The following PPP3CC variants were observed in gnomAD, a reference collection of about 807,000 sequenced individuals.
PPP3CC encodes the protein serine/threonine-protein phosphatase 2B catalytic subunit gamma isoform.
Under a neutral mutation model 60.3 loss-of-function variants are expected in PPP3CC, and 35 were observed. That is an observed-to-expected ratio of 0.58 (90% confidence interval 0.44 to 0.77). The LOEUF is 0.77. Ranked by LOEUF, PPP3CC falls within the 30% of genes least tolerant of loss-of-function variation. PPP3CC has a pLI of 0.00. For missense variants in PPP3CC, 570 were observed against 628.9 expected (o/e 0.91, Z 1.00); for synonymous variants, 206 against 224.3 (o/e 0.92, Z 0.73).
intron 1 of PPP3CC, among the ~76,000 whole-genome samples, chr8:22,459,055 A>G (rs1837288637): frequency 6.6e-6 from 1 of 152,144 alleles, no homozygotes; most frequent in African/African-American, 2.4e-5. Context: ...GACACCAGAA[A>G]TATACATTTG....
chr8:22,506,699 T>C (rs1838930848), intron 4 of PPP3CC, among the ~76,000 whole-genome samples: 1 of 152,002 alleles, frequency 6.6e-6, no homozygotes, highest in Non-Finnish European at 1.5e-5. Flanking sequence ...CCCAGCACTT[T>C]GGGAGGCCGA....
intron 1 of PPP3CC, among the ~76,000 whole-genome samples, chr8:22,470,085 C>T (rs569730138): frequency 6.7e-6 from 1 of 149,674 alleles, no homozygotes; most frequent in African/African-American, 2.5e-5. Context: ...CACACACACA[C>T]ATACATATAT....
rs751177499 is a variant in PPP3CC at position 22,522,768 on chromosome 8, A to G, written c.943+19A>G. The G allele has an allele frequency of 2.0e-6, 3 of 1,516,910 alleles. No homozygotes were observed. Among genetic ancestry groups the G allele is most frequent in the African/African-American group, 2.8e-5 (2 of 72,588 alleles). The allele number at this position is 1,516,910 out of a possible 1,614,324, so 94.0% of individuals were successfully genotyped here. On this transcript the variant is annotated intron_variant, in intron 8 of 13. Coordinates refer to ENST00000240139, the MANE Select transcript of PPP3CC (RefSeq NM_005605.5). ...AATAAAGGTAAAGGAATCCAGCAAT[A>G]TTTGAGTTTGAATTTATGAGTAAAC...
At position 22,522,536 on chromosome 8, in the gene PPP3CC, A is replaced by T. The variant is rs1394536196; in HGVS notation, c.816A>T (p.Ser272=). ...CEFLQNNNLL[S]IIRAHEAQDA... ...TTTTGCAGAACAATAATTTACTATC[A>T]ATTATCAGAGCCCATGAAGCCCAAG... Residue 272 remains serine (S), a synonymous_variant, in exon 7 of 14, where the codon TCA becomes TCT. Coordinates refer to ENST00000240139, the MANE Select transcript of PPP3CC (RefSeq NM_005605.5). The T allele has an allele frequency of 1.2e-6, 2 of 1,612,712 alleles. No homozygotes were observed. Among genetic ancestry groups the T allele is most frequent in the South Asian group, 2.2e-5 (2 of 90,656 alleles).
chr8:22,465,852 T>G (rs1468870342), intron 1 of PPP3CC, among the ~76,000 whole-genome samples: 1 of 152,152 alleles, frequency 6.6e-6, no homozygotes, highest in African/African-American at 2.4e-5. Flanking sequence ...TTTTAAAAAA[T>G]TATTCTTTAA....
At chr8:22,466,912 A>T (rs905533164) in intron 1 of PPP3CC, among the ~76,000 whole-genome samples, 66 of 137,112 alleles carry the variant, frequency 4.8e-4, no homozygotes, top group African/African-American at 1.4e-3. Context: ...TGGATAATTT[A>T]AAAAAAAAAT....
intron 4 of PPP3CC, among the ~76,000 whole-genome samples, chr8:22,508,456 A>G (rs1476947445): frequency 1.3e-5 from 2 of 152,176 alleles, no homozygotes; most frequent in African/African-American, 2.4e-5. Context: ...TTCATAGCCT[A>G]TTTTATTCAC....
chr8:22,481,443 G>A (rs1226115243), intron 3 of PPP3CC, among the ~76,000 whole-genome samples: 2 of 151,054 alleles, frequency 1.3e-5, no homozygotes, highest in Non-Finnish European at 2.9e-5. Flanking sequence ...TTACATGGAT[G>A]TAAAAACGTT....
intron 12 of PPP3CC, 51 bp downstream of exon 12, chr8:22,533,069 G>A (rs757086401): frequency 7.4e-7 from 1 of 1,350,290 alleles, no homozygotes; most frequent in South Asian, 1.4e-5. Context: ...TTACCTAACA[G>A]TCAGCACACA....
chr8:22,481,721 G>T (rs780788899), intron 3 of PPP3CC, among the ~76,000 whole-genome samples: 17 of 151,874 alleles, frequency 1.1e-4, no homozygotes, highest in Middle Eastern at 3.4e-3. Flanking sequence ...AGGCCCCAGT[G>T]TATGATGTTC....
intron 10 of PPP3CC, among the ~76,000 whole-genome samples, chr8:22,530,843 AAAAAAAAAAAAAAG>A (rs1023463268): frequency 6.0e-5 from 9 of 149,818 alleles, no homozygotes; most frequent in African/African-American, 1.7e-4. Context: ...AAAAAAAAAA[AAAAAAAAAAAAAAG>A]GAAGAACAAT....
chr8:22,501,249 T>G (rs1017414972), intron 4 of PPP3CC, among the ~76,000 whole-genome samples: 1 of 152,276 alleles, frequency 6.6e-6, no homozygotes, highest in Admixed American at 6.5e-5. Context: ...GTCCCCTTGA[T>G]CTAGCAATTT....
chr8:22,500,844 ACT>A (rs770402690), intron 4 of PPP3CC, among the ~76,000 whole-genome samples: 11 of 152,158 alleles, frequency 7.2e-5, no homozygotes, highest in Non-Finnish European at 1.2e-4. Context: ...TTTTAAATCT[ACT>A]GTTGGTGGAT....
At chr8:22,513,573 T>C in intron 6 of PPP3CC, 141 bp downstream of exon 6, 1 of 939,256 alleles carries the variant, frequency 1.1e-6, no homozygotes, top group Non-Finnish European at 1.5e-6. Context: ...GGCAAGAAAC[T>C]TGTTTGTTTG....
chr8:22,463,015 C>T (rs1328292427), intron 1 of PPP3CC, among the ~76,000 whole-genome samples: 2 of 152,234 alleles, frequency 1.3e-5, no homozygotes, highest in East Asian at 3.9e-4. Context: ...GGATATGGGT[C>T]ATTCACCTTT....
chr8:22,532,192 C>T (rs1839733562), intron 10 of PPP3CC, 33 bp from the exon 11 acceptor site: 2 of 1,515,892 alleles, frequency 1.3e-6, no homozygotes, highest in Non-Finnish European at 9.1e-7. Flanking sequence ...TTAACACATC[C>T]CTTTAACTTA....
intron 12 of PPP3CC, among the ~76,000 whole-genome samples, chr8:22,535,573 G>T (rs1839827220): frequency 6.6e-6 from 1 of 151,970 alleles, no homozygotes; most frequent in Non-Finnish European, 1.5e-5. Flanking sequence ...ATAGCTCATG[G>T]CAGCGCCCGG....
intron 6 of PPP3CC, among the ~76,000 whole-genome samples, chr8:22,518,534 A>G (rs1839314352): frequency 6.6e-6 from 1 of 152,060 alleles, no homozygotes; most frequent in Non-Finnish European, 1.5e-5. Context: ...TACACTTGGG[A>G]AGAATTCTAT....
At chr8:22,450,531 C>T (rs1355064518) in intron 1 of PPP3CC, among the ~76,000 whole-genome samples, 2 of 152,202 alleles carry the variant, frequency 1.3e-5, no homozygotes, top group East Asian at 3.9e-4. Flanking sequence ...TTGGTTTGTA[C>T]ATATCCTCTA....
Sources: allele counts gnomAD v4.1 joint callset (sites outside exome capture counted in the v4.1 genomes callset), GRCh38; gene constraint gnomAD v4.1.1; transcripts MANE v1.5; gene names NCBI Gene and HGNC (gene_info 2026-07-23, HGNC 2026-07-21).